The following CERT1 variants were observed in gnomAD, a reference collection of about 807,000 sequenced individuals.
CERT1 encodes ceramide transporter 1, also known as ceramide transfer protein.
A neutral mutation model predicts 87.9 loss-of-function variants in CERT1; 31 were observed. The observed-to-expected ratio is 0.35, with a 90% confidence interval of 0.27 to 0.48. The LOEUF (loss-of-function observed/expected upper bound fraction) is 0.48. CERT1 is among the 20% of genes least tolerant of loss of function. The pLI, the probability that CERT1 is intolerant of heterozygous loss-of-function variation, is 0.99. For missense variants in CERT1, 487 were observed against 758.0 expected, an observed-to-expected ratio of 0.64 and a Z score of 4.20; for synonymous variants, 289 against 250.9, an observed-to-expected ratio of 1.15 and a Z score of -1.44.
upstream of CERT1, chr5:75,511,750 G>A: frequency 6.5e-7 from 1 of 1,550,010 alleles, no homozygotes; most frequent in Middle Eastern, 1.7e-4. Flanking sequence ...TCCTCCTCCC[G>A]AACCCTACCT....
At chr5:75,390,177 C>T (rs1035897617) in intron 11 of CERT1, among the ~76,000 whole-genome samples, 2 of 151,720 alleles carry the variant, frequency 1.3e-5, no homozygotes, top group Admixed American at 6.6e-5. Flanking sequence ...TGCTCTCATA[C>T]GAGCAAAGAT....
At chr5:75,498,212 A>G (rs1030971932) in intron 2 of CERT1, among the ~76,000 whole-genome samples, 1 of 152,330 alleles carries the variant, frequency 6.6e-6, no homozygotes, top group Non-Finnish European at 1.5e-5. Flanking sequence ...GCAGAGCATA[A>G]AAGTTTGGAA....
At chr5:75,470,956 G>GA (rs908134630) in intron 2 of CERT1, among the ~76,000 whole-genome samples, 5 of 151,026 alleles carry the variant, frequency 3.3e-5, no homozygotes, top group African/African-American at 1.2e-4. Context: ...ACTATCTGGG[G>GA]AAAAAAAAGA....
intron 2 of CERT1, among the ~76,000 whole-genome samples, chr5:75,466,124 A>G (rs1446139872): frequency 6.6e-6 from 1 of 152,110 alleles, no homozygotes; most frequent in African/African-American, 2.4e-5. Context: ...TGCTACTGGA[A>G]CTGGGATGCT....
chr5:75,507,285 A>AT (rs1335986967), intron 1 of CERT1, among the ~76,000 whole-genome samples: 2 of 151,894 alleles, frequency 1.3e-5, no homozygotes, highest in African/African-American at 4.8e-5. Context: ...CATCTGGCTA[A>AT]TTTTTTGTAG....
At chr5:75,420,864 C>G (rs1022927369) in intron 5 of CERT1, among the ~76,000 whole-genome samples, 1 of 152,050 alleles carries the variant, frequency 6.6e-6, no homozygotes, top group Admixed American at 6.5e-5. Context: ...GCTCTGTTGC[C>G]CAGCCTGGAG....
intron 3 of CERT1, among the ~76,000 whole-genome samples, chr5:75,436,889 C>T (rs1385798148): frequency 6.6e-6 from 1 of 152,128 alleles, no homozygotes; most frequent in Admixed American, 6.6e-5. Context: ...CCATCTCAGC[C>T]TCCCAAGTAT....
intron 14 of CERT1, among the ~76,000 whole-genome samples, 178 bp from the exon 15 acceptor site, chr5:75,382,255 A>G (rs1761618262): frequency 3.3e-5 from 5 of 152,256 alleles, no homozygotes; most frequent in Admixed American, 3.3e-4. Flanking sequence ...GCAGAACAAT[A>G]TAATAAAAGG....
Position 75,477,580 on chromosome 5 carries a change from T to C in CERT1, c.232-18399A>G, listed in dbSNP as rs184007470. 1.5e-3 allele frequency among the ~76,000 whole-genome samples: 196 copies of C among 133,388 alleles called. 1 individual carries two copies. The highest frequency in any genetic ancestry group is 2.3e-3 in the Non-Finnish European group (150 of 65,364). The allele number at this position is 133,388 out of a possible 152,430, so 87.5% of individuals were successfully genotyped here. On this transcript the variant is annotated intron_variant, in intron 2 of 16. Coordinates refer to ENST00000643780, the MANE Select transcript of CERT1 (RefSeq NM_001379029.1). ...ATTGCTTACCCTCATGTCCCGACCATAATGATATATAGCATATATAAGTTC... is the reference window on the plus strand; with the variant it reads ...ATTGCTTACCCTCATGTCCCGACCACAATGATATATAGCATATATAAGTTC...
chr5:75,397,924 CAGG>C (rs1468548194), intron 11 of CERT1, among the ~76,000 whole-genome samples: 2 of 152,108 alleles, frequency 1.3e-5, no homozygotes, highest in African/African-American at 4.8e-5. Flanking sequence ...GAGGCTGAGG[CAGG>C]AGAATTGCTT....
At chr5:75,393,851 G>C (rs371220051) in intron 11 of CERT1, among the ~76,000 whole-genome samples, 3 of 151,820 alleles carry the variant, frequency 2.0e-5, no homozygotes, top group Non-Finnish European at 4.4e-5. Flanking sequence ...TGTAGTCCCA[G>C]ATACTCAGGA....
intron 7 of CERT1, among the ~76,000 whole-genome samples, chr5:75,414,656 T>C (rs1196113177): frequency 4.6e-5 from 7 of 152,180 alleles, no homozygotes; most frequent in Admixed American, 4.6e-4. Flanking sequence ...ATCATTATTA[T>C]TATAGGTAAC....
chr5:75,393,498 T>C (rs1490405377), intron 11 of CERT1, among the ~76,000 whole-genome samples: 1 of 149,420 alleles, frequency 6.7e-6, no homozygotes, highest in African/African-American at 2.5e-5. Context: ...AAAGTCTAAG[T>C]TGGGCATGGT....
intron 2 of CERT1, among the ~76,000 whole-genome samples, chr5:75,473,601 G>A (rs994773339): frequency 2.9e-4 from 44 of 152,142 alleles, no homozygotes; most frequent in African/African-American, 1.0e-3. Context: ...TTAGGGAGAT[G>A]TTGGTTAAAG....
chr5:75,388,072 G>C (rs971222360), intron 12 of CERT1, among the ~76,000 whole-genome samples: 8 of 152,202 alleles, frequency 5.3e-5, no homozygotes, highest in African/African-American at 1.9e-4. Flanking sequence ...CTTCCGCGAA[G>C]AGCATACATC....
chr5:75,389,718 C>A (rs377106180), intron 11 of CERT1, 31 bp from the exon 12 acceptor site: 3 of 1,514,056 alleles, frequency 2.0e-6, no homozygotes, highest in Non-Finnish European at 1.8e-6. Context: ...GCATGAGAAT[C>A]CAAAAGGTAT....
chr5:75,413,819 T>C (rs1235671117), intron 7 of CERT1, among the ~76,000 whole-genome samples: 1 of 152,090 alleles, frequency 6.6e-6, no homozygotes, highest in Non-Finnish European at 1.5e-5. Context: ...CCATTGCTGG[T>C]AGAAATAATC....
intron 2 of CERT1, among the ~76,000 whole-genome samples, chr5:75,459,860 G>C (rs1765152728): frequency 6.6e-6 from 1 of 151,444 alleles, no homozygotes; most frequent in Non-Finnish European, 1.5e-5. Flanking sequence ...CTACTTGGGA[G>C]GCTGAGGCAG....
intron 2 of CERT1, among the ~76,000 whole-genome samples, chr5:75,487,401 C>A (rs541352967): frequency 6.6e-6 from 1 of 152,098 alleles, no homozygotes; most frequent in South Asian, 2.1e-4. Flanking sequence ...TGGGGAAACT[C>A]CAGAACATTG....
Sources: gnomAD v4.1 joint callset for allele counts (sites outside exome capture counted in the v4.1 genomes callset) on GRCh38, gnomAD v4.1.1 for gene constraint, MANE v1.5 for transcripts, NCBI Gene and HGNC (gene_info 2026-07-23, HGNC 2026-07-21) for gene names.